The following SEMA6D variants were observed in gnomAD, a reference collection of about 807,000 sequenced individuals.
SEMA6D encodes the protein semaphorin 6D.
A neutral mutation model predicts 106.6 loss-of-function variants in SEMA6D; 35 were observed. That is an observed-to-expected ratio of 0.33 (90% CI 0.25 to 0.44). SEMA6D has a LOEUF of 0.44. SEMA6D is among the 20% of genes least tolerant of loss of function. The probability of loss-of-function intolerance (pLI) is 1.00; values close to 1 mark genes in which losing one functional copy is unlikely to be tolerated. For synonymous variants in SEMA6D, 499 were observed against 487.7 expected (o/e 1.02, Z -0.31); for missense variants, 1,185 against 1,345.9 (o/e 0.88, Z 1.87).
chr15:47,383,619 A>G (rs2039718546), intron 1 of SEMA6D, among the ~76,000 whole-genome samples: 1 of 147,686 alleles, frequency 6.8e-6, no homozygotes, highest in South Asian at 2.1e-4. Context: ...AATGAGCTAT[A>G]TGCTTTACCA....
chr15:47,463,323 A>G (rs181964251), intron 2 of SEMA6D, among the ~76,000 whole-genome samples: 6 of 152,260 alleles, frequency 3.9e-5, no homozygotes, highest in African/African-American at 1.4e-4. Flanking sequence ...TTTTCTTCAC[A>G]ATTCAAAACT....
chr15:47,619,878 A>G lies in SEMA6D; in HGVS notation c.-55+18982A>G, dbSNP rs16959884. ...ACCCTATGTCATGTTTATTGCCCTC[A>G]GAAATCCAAAGGTCAAAAGAAAAAT... is the stretch of plus-strand genomic sequence containing the variant. On this transcript the variant is annotated intron_variant, in intron 4 of 19. Transcript: ENST00000558014. 1.5e-3 allele frequency among the ~76,000 whole-genome samples: 225 copies of G among 152,350 alleles called. 3 individuals carry two copies. Among genetic ancestry groups the G allele is most frequent in the African/African-American group, 5.2e-3 (218 of 41,584 alleles).
intron 1 of SEMA6D, among the ~76,000 whole-genome samples, chr15:47,377,782 A>C (rs2039500236): frequency 6.6e-6 from 1 of 152,174 alleles, no homozygotes; most frequent in Non-Finnish European, 1.5e-5. Context: ...AGAATCTAAG[A>C]GGAATATTAA....
At chr15:47,465,700 A>G (rs2141095956) in intron 2 of SEMA6D, among the ~76,000 whole-genome samples, 1 of 152,196 alleles carries the variant, frequency 6.6e-6, no homozygotes, top group East Asian at 1.9e-4. Flanking sequence ...GCCATGTAAG[A>G]TGTGCCTCCT....
At chr15:47,215,123 G>A (rs1388094593) in intron 1 of SEMA6D, among the ~76,000 whole-genome samples, 1 of 151,096 alleles carries the variant, frequency 6.6e-6, no homozygotes, top group East Asian at 1.9e-4. Context: ...TATTCTTTTT[G>A]ATGGACAATT....
At chr15:47,753,934 G>C (rs2081580201) in intron 1 of SEMA6D, among the ~76,000 whole-genome samples, 1 of 152,096 alleles carries the variant, frequency 6.6e-6, no homozygotes, top group Non-Finnish European at 1.5e-5. Flanking sequence ...AAATCAACAT[G>C]GTATCTCTCT....
chr15:47,357,032 T>C (rs925322166), intron 1 of SEMA6D, among the ~76,000 whole-genome samples: 11 of 152,264 alleles, frequency 7.2e-5, no homozygotes, highest in Non-Finnish European at 1.5e-4. Flanking sequence ...GCATTAATGC[T>C]TACATAAAAT....
At position 47,459,825 on chromosome 15, in the gene SEMA6D, A is replaced by C. The variant is rs146385424; in HGVS notation, c.-158-10649A>C. On this transcript the variant is annotated intron_variant, in intron 2 of 19. Coordinates refer to the SEMA6D transcript ENST00000558014. ...TCATCTCTGGGTGATAACAAAGATA[A>C]CTATCTGGGGAAAAATGTGGAGTAG... Among the ~76,000 whole-genome samples the C allele has an allele frequency of 5.1e-3, 775 of 152,190 alleles. 7 individuals carry two copies. Among genetic ancestry groups the C allele is most frequent in the African/African-American group, 0.018 (731 of 41,540 alleles).
At chr15:47,415,777 A>G (rs976925118) in intron 2 of SEMA6D, among the ~76,000 whole-genome samples, 4 of 152,356 alleles carry the variant, frequency 2.6e-5, no homozygotes, top group Admixed American at 1.3e-4. Context: ...TTGCTGGAAC[A>G]TACCATAATC....
At chr15:47,748,908 A>T (rs1371937162) in intron 1 of SEMA6D, among the ~76,000 whole-genome samples, 1 of 152,146 alleles carries the variant, frequency 6.6e-6, no homozygotes, top group African/African-American at 2.4e-5. Context: ...TGAAGAGTCA[A>T]TTCTAGACAA....
At chr15:47,767,438 G>T (rs1597088756) in intron 17 of SEMA6D, 1 of 185,022 alleles carries the variant, frequency 5.4e-6, no homozygotes, top group East Asian at 1.3e-4. Context: ...ATGGATGGCG[G>T]AATTTCATTA....
In SEMA6D at chr15:47,770,970, AAAG is replaced by A. The variant is rs749378990; in HGVS notation, c.2410_2412del (p.Glu804del). The A allele has an allele frequency of 9.9e-6, 16 of 1,613,990 alleles. No individual in the cohort carries two copies. Among genetic ancestry groups the A allele is most frequent in the Non-Finnish European group, 1.3e-5 (15 of 1,180,000 alleles). On this transcript the variant is annotated inframe_deletion, in exon 19 of 19. Coordinates refer to ENST00000536845, the MANE Select transcript of SEMA6D (RefSeq NM_001358351.3). ...GGCCCATGGCCATGGAGCTTCAAGG[AAAG>A]AAACCCCTCAGTTTTTTCCGTCTAG...
At chr15:47,724,287 G>T (rs1169854614) in intron 1 of SEMA6D, among the ~76,000 whole-genome samples, 2 of 152,198 alleles carry the variant, frequency 1.3e-5, no homozygotes, top group Non-Finnish European at 2.9e-5. Flanking sequence ...TTTTACCCTG[G>T]GTCTACTCTG....
At chr15:47,266,459 G>A (rs1378215) in intron 1 of SEMA6D, among the ~76,000 whole-genome samples, 113,454 of 151,870 alleles carry the variant, frequency 0.75, 45,537 homozygotes, top group Non-Finnish European at 0.91. Context: ...CTGAATACTT[G>A]GTGGGATGGA....
intron 3 of SEMA6D, among the ~76,000 whole-genome samples, chr15:47,526,945 G>A (rs2044779473): frequency 6.6e-6 from 1 of 152,012 alleles, no homozygotes; most frequent in African/African-American, 2.4e-5. Flanking sequence ...CACTATGTTG[G>A]TCAGGCTGAT....
At chr15:47,194,472 G>C (rs1184063148) in intron 1 of SEMA6D, among the ~76,000 whole-genome samples, 4 of 152,066 alleles carry the variant, frequency 2.6e-5, no homozygotes, top group African/African-American at 9.7e-5. Flanking sequence ...GGAGTGGGCA[G>C]GGTTGAGGTG....
At chr15:47,591,744 A>T (rs1375657225) in intron 3 of SEMA6D, among the ~76,000 whole-genome samples, 1 of 152,210 alleles carries the variant, frequency 6.6e-6, no homozygotes, top group East Asian at 1.9e-4. Flanking sequence ...AAATGTGTGG[A>T]TGGAGAATGA....
chr15:47,643,849 G>C (rs991976151), intron 4 of SEMA6D, among the ~76,000 whole-genome samples: 1 of 152,160 alleles, frequency 6.6e-6, no homozygotes, highest in Non-Finnish European at 1.5e-5. Context: ...TAGAACACTA[G>C]AATGTATTCC....
At chr15:47,452,824 T>C (rs1295388695) in intron 2 of SEMA6D, among the ~76,000 whole-genome samples, 12 of 151,982 alleles carry the variant, frequency 7.9e-5, no homozygotes, top group Non-Finnish European at 1.8e-4. Flanking sequence ...TAATAACAGA[T>C]ATTTCAATTT....
Sources: allele counts gnomAD v4.1 joint callset (sites outside exome capture counted in the v4.1 genomes callset), GRCh38; gene constraint gnomAD v4.1.1; transcripts MANE v1.5; gene names NCBI Gene and HGNC (gene_info 2026-07-23, HGNC 2026-07-21).